The following SERTM2 variants were observed in gnomAD, a reference collection of about 807,000 sequenced individuals.
SERTM2 encodes serine-rich and transmembrane domain-containing protein 2.
chrX:111,513,892 G>T (rs1930267676), intron 2 of SERTM2, among the ~76,000 whole-genome samples: 1 of 111,411 alleles, frequency 9.0e-6, no homozygotes, highest in Non-Finnish European at 1.9e-5. Context: ...AATAAATATT[G>T]AATAAGTATT....
Position 111,520,571 on chromosome X carries a change from A to G in SERTM2, c.*1441A>G, listed in dbSNP as rs1286667505. ...AGAAATGTAGCTCTTTGTAGTCTGT[A>G]ACCAATTTAGATTGGCCCTTTTTCT... On this transcript the variant is annotated 3_prime_UTR_variant, in exon 3 of 3. Coordinates refer to ENST00000569275, the MANE Select transcript of SERTM2 (RefSeq NM_001354473.2). 1 of 112,030 alleles carries G rather than the reference A, an allele frequency of 8.9e-6. No individual in the cohort carries two copies. Among genetic ancestry groups the G allele is most frequent in the African/African-American group, 3.2e-5 (1 of 30,780 alleles). The allele number at this position is 112,030 out of a possible 1,213,427, so 9.2% of individuals were successfully genotyped here. A position where few individuals can be genotyped will look rare whatever the true frequency, so the allele number is the denominator to read the frequency against.
In SERTM2 at chrX:111,519,343, T is replaced by C. The variant is rs1276178815; in HGVS notation, c.*213T>C. On this transcript the variant is annotated 3_prime_UTR_variant, in exon 3 of 3. Coordinates refer to ENST00000569275, the MANE Select transcript of SERTM2 (RefSeq NM_001354473.2). ...TTTAAGACTCACTCTGAAAGGAATA[T>C]AGGAAAAGACAGCTGGTTGGGAGGG... 2 of 244,939 alleles carry C rather than the reference T, an allele frequency of 8.2e-6. No individual in the cohort carries two copies. Among genetic ancestry groups the C allele is most frequent in the Middle Eastern group, 1.2e-3 (1 of 848 alleles). The allele number at this position is 244,939 out of a possible 1,213,427, so 20.2% of individuals were successfully genotyped here. A position where few individuals can be genotyped will look rare whatever the true frequency, so the allele number is the denominator to read the frequency against.
rs1930410682 is a variant in SERTM2, at chrX:111,521,502, G to A, written c.*2372G>A. The A allele has an allele frequency of 9.0e-6, 1 of 111,689 alleles. No individual in the cohort carries two copies. The highest frequency in any genetic ancestry group is 9.5e-5 in the Admixed American group (1 of 10,519). 9.2% of individuals were successfully genotyped at this position (111,689 alleles called of 1,213,427 possible). ...TAATCTTTAGGAAAATAAACTGAAT[G>A]TTTTTATTGTAGCAAACTTACTGTA... On this transcript the variant is annotated 3_prime_UTR_variant, in exon 3 of 3. Coordinates refer to ENST00000569275, the MANE Select transcript of SERTM2 (RefSeq NM_001354473.2).
chrX:111,512,218 G>A (rs1444022078), intron 2 of SERTM2, 124 bp downstream of exon 2: 2 of 281,578 alleles, frequency 7.1e-6, no homozygotes, highest in African/African-American at 2.8e-5. Flanking sequence ...TCCTACTTGA[G>A]CGAGCTTATT....
rs766043267 is a variant in SERTM2, at chrX:111,516,051, A to G, written c.-783-2024A>G. On this transcript the variant is annotated intron_variant, in intron 2 of 2. Coordinates refer to ENST00000569275, the MANE Select transcript of SERTM2 (RefSeq NM_001354473.2). ...GAGTATAGAAGTCTGGAATCATGGC[A>G]TCAGTAGGGCCGTGCACTCTCTGAA... Among the ~76,000 whole-genome samples, 15 of 109,135 alleles carry G rather than the reference A, an allele frequency of 1.4e-4. No homozygotes were observed. In the South Asian group the frequency reaches 5.7e-3, roughly 42 times the overall value. The allele number at this position is 109,135 out of a possible 115,157, so 94.8% of individuals were successfully genotyped here.
chrX:111,513,635 C>CA (rs949596009), intron 2 of SERTM2, among the ~76,000 whole-genome samples: 1 of 110,905 alleles, frequency 9.0e-6, no homozygotes, highest in Non-Finnish European at 1.9e-5. Flanking sequence ...ACCAGAGTAA[C>CA]AAAAAAGAGG....
rs1224859750 is a variant in SERTM2 at position 111,520,788 on chromosome X, G to T, written c.*1658G>T. ...CTGTCAGAGATGGGAGCTGCACTCT[G>T]CATCATTCAAAACAAATTAGCAGAT... On this transcript the variant is annotated 3_prime_UTR_variant, in exon 3 of 3. Coordinates refer to ENST00000569275, the MANE Select transcript of SERTM2 (RefSeq NM_001354473.2). 1 of 112,276 alleles carries T rather than the reference G, an allele frequency of 8.9e-6. No homozygotes were observed. The highest frequency in any genetic ancestry group is 3.2e-5 in the African/African-American group (1 of 30,816). The allele number at this position is 112,276 out of a possible 1,213,427, so 9.3% of individuals were successfully genotyped here.
chrX:111,521,829 A>G lies in SERTM2; in HGVS notation c.*2699A>G, dbSNP rs1347399339. On this transcript the variant is annotated 3_prime_UTR_variant, in exon 3 of 3. Transcript: ENST00000569275. ...ATAGGCCAAAAAATGCTCAAATATCACCAACTTCATAAAATTCAACCTAAT... is the reference window on the plus strand; with the variant it reads ...ATAGGCCAAAAAATGCTCAAATATCGCCAACTTCATAAAATTCAACCTAAT... The G allele has an allele frequency of 3.6e-5, 4 of 111,424 alleles. No individual in the cohort carries two copies. The allele number at this position is 111,424 out of a possible 1,213,427, so 9.2% of individuals were successfully genotyped here. A position where few individuals can be genotyped will look rare whatever the true frequency, so the allele number is the denominator to read the frequency against.
chrX:111,512,922 GATTTT>G (rs1268218346), intron 2 of SERTM2, among the ~76,000 whole-genome samples: 2 of 111,453 alleles, frequency 1.8e-5, no homozygotes, highest in Non-Finnish European at 1.9e-5. Flanking sequence ...TTGTTACTAA[GATTTT>G]ATTTACCAAA....
At chrX:111,514,969 G>C (rs971690934) in intron 2 of SERTM2, among the ~76,000 whole-genome samples, 2 of 110,471 alleles carry the variant, frequency 1.8e-5, no homozygotes, top group African/African-American at 6.6e-5. Flanking sequence ...GTTATTTCTG[G>C]AGAAGGATAG....
rs1930361289 is a variant in SERTM2, at chrX:111,518,748, C to A, written c.-110C>A. The A allele has an allele frequency of 3.4e-6, 1 of 294,018 alleles. No individual in the cohort carries two copies. Among genetic ancestry groups the A allele is most frequent in the African/African-American group, 2.8e-5 (1 of 36,124 alleles). 24.2% of individuals were successfully genotyped at this position (294,018 alleles called of 1,213,427 possible). A position where few individuals can be genotyped will look rare whatever the true frequency, so the allele number is the denominator to read the frequency against. On this transcript the variant is annotated 5_prime_UTR_variant, in exon 3 of 3. Transcript: ENST00000569275. ...AGCTCTGAGAGTGATTGGTTTTTAC[C>A]AGATTGTTAGAACACGTCCAATAGA...
At chrX:111,512,283 A>G (rs1287723134) in intron 2 of SERTM2, among the ~76,000 whole-genome samples, 189 bp downstream of exon 2, 4 of 112,071 alleles carry the variant, frequency 3.6e-5, no homozygotes, top group African/African-American at 1.3e-4. Context: ...GTTTTTTCAC[A>G]GGGTGATGTG....
intron 2 of SERTM2, among the ~76,000 whole-genome samples, chrX:111,517,534 T>TC (rs2147490217): frequency 9.0e-6 from 1 of 111,601 alleles, no homozygotes; most frequent in South Asian, 3.8e-4. Flanking sequence ...AATGCATCCT[T>TC]CATCATTGGT....
chrX:111,514,936 A>G (rs775876089), intron 2 of SERTM2, among the ~76,000 whole-genome samples: 34 of 110,299 alleles, frequency 3.1e-4, no homozygotes, highest in South Asian at 7.8e-4. Context: ...AATGAGTCAC[A>G]AAATTCAGAA....
At position 111,518,108 on chromosome X, in the gene SERTM2, C is replaced by T. The variant is rs1420265931; in HGVS notation, c.-750C>T. On this transcript the variant is annotated 5_prime_UTR_variant, in exon 3 of 3. Coordinates refer to ENST00000569275, the MANE Select transcript of SERTM2 (RefSeq NM_001354473.2). ...ATATCTGTTGGAGAATCTGAAGAGC[C>T]AAATCTCCTGAGCCTAGGCCTACTG... 1 of 111,042 alleles carries T rather than the reference C, an allele frequency of 9.0e-6. No homozygotes were observed. Among genetic ancestry groups the T allele is most frequent in the African/African-American group, 3.3e-5 (1 of 30,526 alleles). 9.2% of individuals were successfully genotyped at this position (111,042 alleles called of 1,213,427 possible).
chrX:111,515,921 AGG>A (rs1179104062), intron 2 of SERTM2, among the ~76,000 whole-genome samples: 14 of 110,851 alleles, frequency 1.3e-4, no homozygotes, highest in Admixed American at 2.9e-4. Flanking sequence ...CCAAAACACT[AGG>A]GTTTCAGGGT....
At chrX:111,514,591 G>GT (rs1210621167) in intron 2 of SERTM2, among the ~76,000 whole-genome samples, 2 of 111,211 alleles carry the variant, frequency 1.8e-5, no homozygotes, top group Non-Finnish European at 3.8e-5. Context: ...AGGGAAGTAG[G>GT]TAAGAGTGAG....
intron 2 of SERTM2, among the ~76,000 whole-genome samples, chrX:111,514,385 G>T (rs764931634): frequency 1.8e-5 from 2 of 111,651 alleles, no homozygotes; most frequent in African/African-American, 6.5e-5. Flanking sequence ...CAATTTAGAA[G>T]AAAACATATC....
rs1323761492 is a variant in SERTM2, at chrX:111,519,359, G to A, written c.*229G>A. 4.4e-6 allele frequency: 1 copy of A among 225,851 alleles called. No individual in the cohort carries two copies. Among genetic ancestry groups the A allele is most frequent in the East Asian group, 6.8e-5 (1 of 14,661 alleles). The allele number at this position is 225,851 out of a possible 1,213,427, so 18.6% of individuals were successfully genotyped here. On this transcript the variant is annotated 3_prime_UTR_variant, in exon 3 of 3. Coordinates refer to ENST00000569275, the MANE Select transcript of SERTM2 (RefSeq NM_001354473.2). Reference sequence around the variant, plus strand: ...AAAGGAATATAGGAAAAGACAGCTGGTTGGGAGGGCTGGTTTCCATAGTAA... The same window carrying A: ...AAAGGAATATAGGAAAAGACAGCTGATTGGGAGGGCTGGTTTCCATAGTAA...
Sources: gnomAD v4.1 joint callset for allele counts (sites outside exome capture counted in the v4.1 genomes callset) on GRCh38, gnomAD v4.1.1 for gene constraint, MANE v1.5 for transcripts, NCBI Gene and HGNC (gene_info 2026-07-23, HGNC 2026-07-21) for gene names.